Variants in RNF144A observed in about 807,000 individuals in gnomAD.
RNF144A encodes ring finger protein 144A, also known as E3 ubiquitin-protein ligase RNF144A.
In RNF144A, 11 loss-of-function variants were observed where a neutral mutation model predicts 38.7. The ratio of observed to expected loss-of-function variants is 0.28; its 90% CI spans 0.18 to 0.47. The LOEUF (loss-of-function observed/expected upper bound fraction) is 0.47, where lower values mean the gene tolerates loss of function less well. Among genes scored for constraint, RNF144A ranks in the 20% least tolerant of loss-of-function variants. The pLI, the probability that RNF144A is intolerant of heterozygous loss-of-function variation, is 0.99. For synonymous variants in RNF144A, 149 were observed against 143.9 expected, an observed-to-expected ratio of 1.04 and a Z score of -0.25; for missense variants, 316 against 377.2, an observed-to-expected ratio of 0.84 and a Z score of 1.34.
intron 6 of RNF144A, among the ~76,000 whole-genome samples, chr2:7,022,868 A>G (rs891659490): frequency 6.6e-6 from 1 of 152,190 alleles, no homozygotes; most frequent in Admixed American, 6.5e-5. Flanking sequence ...TCTTTATCAC[A>G]TTCTGCATGA....
intron 2 of RNF144A, among the ~76,000 whole-genome samples, chr2:6,957,737 A>G (rs1034918059): frequency 1.3e-5 from 2 of 152,244 alleles, no homozygotes; most frequent in African/African-American, 4.8e-5. Context: ...GAGATCCTAG[A>G]GGACACTGAA....
downstream of RNF144A, among the ~76,000 whole-genome samples, chr2:7,048,077 C>T (rs146808710): frequency 2.4e-3 from 361 of 152,290 alleles, 2 homozygotes; most frequent in Middle Eastern, 6.8e-3. Context: ...CTGAAGATCG[C>T]ATCCCAGGAG....
At chr2:7,028,309 C>T (rs1672059767) in intron 7 of RNF144A, among the ~76,000 whole-genome samples, 1 of 152,216 alleles carries the variant, frequency 6.6e-6, no homozygotes, top group South Asian at 2.1e-4. Flanking sequence ...AGGTGAGGCC[C>T]AGACGACGGC....
downstream of RNF144A, among the ~76,000 whole-genome samples, chr2:7,070,855 A>C (rs1674454960): frequency 6.6e-6 from 1 of 152,068 alleles, no homozygotes; most frequent in African/African-American, 2.4e-5. Flanking sequence ...TGCCCTGAGG[A>C]ACACCCTGAC....
In RNF144A at chr2:7,024,427, G is replaced by A; in HGVS notation, c.568G>A (p.Val190Ile). ...CATCAAGCGCTGCCCCAAGTGCAAA[G>A]TCTACATCGAGCGAGACGAAGGCTG... ...APIKRCPKCK[V>I]YIERDEGCAQ... The change falls in exon 7 of 9, where the codon GTC (valine) becomes ATC (isoleucine). Residue 190 changes from valine (V) to isoleucine (I), a missense_variant. Val to Ile is a conservative substitution (Grantham distance 29, BLOSUM62 3). Coordinates refer to ENST00000320892, the MANE Select transcript of RNF144A (RefSeq NM_014746.6). The A allele has an allele frequency of 6.2e-7, 1 of 1,613,132 alleles. No individual in the cohort carries two copies. Among genetic ancestry groups the A allele is most frequent in the Non-Finnish European group, 8.5e-7 (1 of 1,179,078 alleles).
chr2:6,967,208 C>G (rs1041416935), intron 2 of RNF144A, among the ~76,000 whole-genome samples: 1 of 152,164 alleles, frequency 6.6e-6, no homozygotes, highest in African/African-American at 2.4e-5. Flanking sequence ...TGAACTTTAC[C>G]CATCACTATG....
At chr2:7,073,433 T>C in the RNF144A span, among the ~76,000 whole-genome samples, 1 of 152,182 alleles carries the variant, frequency 6.6e-6, no homozygotes, top group Non-Finnish European at 1.5e-5. Context: ...CATATTCATA[T>C]TTATCATAGA....
At chr2:7,018,391 C>T (rs764536045) in intron 5 of RNF144A, among the ~76,000 whole-genome samples, 7 of 152,274 alleles carry the variant, frequency 4.6e-5, no homozygotes, top group Non-Finnish European at 1.0e-4. Context: ...CACCCCACAG[C>T]ACTCACAGAG....
At chr2:6,964,741 A>G (rs1186838182) in intron 2 of RNF144A, among the ~76,000 whole-genome samples, 1 of 151,122 alleles carries the variant, frequency 6.6e-6, no homozygotes, top group Admixed American at 6.6e-5. Flanking sequence ...AACACCACAT[A>G]TTCTCACTCA....
chr2:7,018,808 T>G (rs946879037), intron 5 of RNF144A, among the ~76,000 whole-genome samples: 2 of 152,184 alleles, frequency 1.3e-5, no homozygotes, highest in African/African-American at 2.4e-5. Context: ...ACCTCCAGCG[T>G]TCCTTGTTAT....
At position 6,933,825 on chromosome 2, in the gene RNF144A, AT is replaced by A. The variant is rs563928755; in HGVS notation, c.-211-7122del. ...ATATCTTTTCATGCCAAGACATGAA[AT>A]ATTAACTAAGGTTCAGCTTATTCTT... On this transcript the variant is annotated intron_variant, in intron 1 of 8. Coordinates refer to ENST00000320892, the MANE Select transcript of RNF144A (RefSeq NM_014746.6). Among the ~76,000 whole-genome samples the A allele has an allele frequency of 4.5e-3, 690 of 152,308 alleles. 4 individuals carry two copies. Among genetic ancestry groups the A allele is most frequent in the African/African-American group, 0.016 (673 of 41,580 alleles).
intron 2 of RNF144A, among the ~76,000 whole-genome samples, chr2:6,950,459 A>G (rs1236019144): frequency 6.6e-6 from 1 of 152,178 alleles, no homozygotes; most frequent in African/African-American, 2.4e-5. Context: ...GGTTATTTTC[A>G]ATCTTTACTG....
chr2:7,037,780 C>T (rs1672775328), intron 8 of RNF144A, among the ~76,000 whole-genome samples: 1 of 152,214 alleles, frequency 6.6e-6, no homozygotes, highest in African/African-American at 2.4e-5. Flanking sequence ...TATTTTAGGG[C>T]TGATAATGGC....
At position 7,042,309 on chromosome 2, in the gene RNF144A, C is replaced by T. The variant is rs546301413; in HGVS notation, c.*2549C>T. The T allele has an allele frequency of 5.1e-6, 5 of 985,392 alleles. No individual in the cohort carries two copies. The African/African-American group carries it at 8.7e-5, about 17-fold the overall frequency. The allele number at this position is 985,392 out of a possible 1,614,324, so 61.0% of individuals were successfully genotyped here. On this transcript the variant is annotated 3_prime_UTR_variant, in exon 9 of 9. Transcript: ENST00000320892. ...TTGGACTTTGATCTTGCCATCATTC[C>T]CCAGTAAAACCTGGGGAGTTCTGCG...
chr2:7,065,437 C>CT (rs1374168360), intron 6 of RNF144A, among the ~76,000 whole-genome samples: 1 of 152,176 alleles, frequency 6.6e-6, no homozygotes, highest in Non-Finnish European at 1.5e-5. Flanking sequence ...GACAAAGATT[C>CT]TTTCCTTGGC....
chr2:7,021,490 C>T (rs1671530897), intron 6 of RNF144A, among the ~76,000 whole-genome samples: 2 of 152,188 alleles, frequency 1.3e-5, no homozygotes, highest in African/African-American at 4.8e-5. Context: ...CACCCCTGGT[C>T]TCCTTCCGGG....
rs1484439964 is a variant in RNF144A at position 6,958,033 on chromosome 2, G to A, written c.-12+16886G>A. Among the ~76,000 whole-genome samples the A allele has an allele frequency of 6.6e-6, 1 of 152,234 alleles. No homozygotes were observed. The highest frequency in any genetic ancestry group is 2.4e-5 in the African/African-American group (1 of 41,458). On this transcript the variant is annotated intron_variant, in intron 2 of 8. Coordinates refer to ENST00000320892, the MANE Select transcript of RNF144A (RefSeq NM_014746.6). This position sits in a 1 kb window ranked among gnomAD's most constrained non-coding sequence, Gnocchi z 4.5. Reference sequence around the variant, plus strand: ...CAGAATGGGGTGGGGGAGTCGGGATGGAGCTCCAGGGAAGCAGATGGATCG... The same window carrying A: ...CAGAATGGGGTGGGGGAGTCGGGATAGAGCTCCAGGGAAGCAGATGGATCG...
In RNF144A at chr2:7,020,684, C is replaced by T. The variant is rs1363634269; in HGVS notation, c.509+4C>T. ...CCTTCCTCCCCGGGGAGACCAGGTACCCTTTGTACACAAGCTGCCACCAAA... is the reference window on the plus strand; with the variant it reads ...CCTTCCTCCCCGGGGAGACCAGGTATCCTTTGTACACAAGCTGCCACCAAA... On this transcript the variant is annotated splice_donor_region_variant and intron_variant, in intron 6 of 8. Coordinates refer to ENST00000320892, the MANE Select transcript of RNF144A (RefSeq NM_014746.6). 1.2e-6 allele frequency: 2 copies of T among 1,600,096 alleles called. No homozygotes were observed. The highest frequency in any genetic ancestry group is 3.3e-5 in the Admixed American group (2 of 59,996).
At chr2:6,945,221 G>A (rs888644875) in intron 2 of RNF144A, among the ~76,000 whole-genome samples, 9 of 152,200 alleles carry the variant, frequency 5.9e-5, no homozygotes, top group East Asian at 5.8e-4. Context: ...CGAAAAGACC[G>A]ATACCTTGCT....
Sources: allele counts gnomAD v4.1 joint callset (sites outside exome capture counted in the v4.1 genomes callset), GRCh38; gene constraint gnomAD v4.1.1; non-coding constraint Gnocchi (gnomAD v3.1); transcripts MANE v1.5; gene names NCBI Gene and HGNC (gene_info 2026-07-23, HGNC 2026-07-21).